Variants in LINC00237 observed in about 807,000 individuals in gnomAD.
The protein encoded by LINC00237 is long independently transcribed non-coding RNA 237, also known as long intergenic non-protein coding RNA 237.
chr20:21,094,547 GTC>G (rs2030831459), intron 1 of LINC00237, among the ~76,000 whole-genome samples: 1 of 152,188 alleles, frequency 6.6e-6, no homozygotes, highest in African/African-American at 2.4e-5. Context: ...ATAAGAGTGT[GTC>G]TTGGAGATTT....
Position 21,093,889 on chromosome 20 carries a change from C to T in LINC00237, n.89-37G>A, listed in dbSNP as rs571219294. On this transcript the variant is annotated intron_variant and non_coding_transcript_variant, in intron 1 of 3. Coordinates refer to ENST00000691244, the Ensembl canonical transcript of LINC00237. ...AGAGAAACACTTGCTCTTATCAGTT[C>T]ATTTGCACTAAGACACCAGAGATTC... 6 of 152,358 alleles carry T rather than the reference C, an allele frequency of 3.9e-5. No homozygotes were observed. The South Asian group carries it at 1.2e-3, about 32-fold the overall frequency. 9.4% of individuals were successfully genotyped at this position (152,358 alleles called of 1,614,324 possible).
At chr20:21,102,846 G>A (rs933925837) in intron 1 of LINC00237, among the ~76,000 whole-genome samples, 10 of 152,230 alleles carry the variant, frequency 6.6e-5, no homozygotes, top group Admixed American at 2.0e-4. Flanking sequence ...AATGTCTGTG[G>A]TGATGGGTGT....
At chr20:21,092,185 T>C (rs1185156844) in intron 2 of LINC00237, among the ~76,000 whole-genome samples, 4 of 152,186 alleles carry the variant, frequency 2.6e-5, no homozygotes, top group Non-Finnish European at 4.4e-5. Flanking sequence ...AACCAATAAA[T>C]ACCCTTTGGA....
chr20:21,096,586 A>C (rs982293262), intron 1 of LINC00237, among the ~76,000 whole-genome samples: 1 of 152,170 alleles, frequency 6.6e-6, no homozygotes, highest in Non-Finnish European at 1.5e-5. Context: ...TTTGTTGCCA[A>C]AGTGCCTATA....
chr20:21,101,029 A>T lies in LINC00237; in HGVS notation n.88+5242T>A, dbSNP rs1268375077. On this transcript the variant is annotated intron_variant and non_coding_transcript_variant, in intron 1 of 3. Transcript: ENST00000691244. The surrounding 1 kb of genome is among the most constrained non-coding windows in gnomAD (Gnocchi z 4.3). ...TTAATCATGCAGCGGGCAAACAAGG[A>T]GATTTATCCCGCGACAAACAGCCCC... Among the ~76,000 whole-genome samples, 1 of 152,076 alleles carries T rather than the reference A, an allele frequency of 6.6e-6. No homozygotes were observed. Among genetic ancestry groups the T allele is most frequent in the Non-Finnish European group, 1.5e-5 (1 of 68,030 alleles).
At chr20:21,086,595 T>C (rs1008639705) in intron 3 of LINC00237, among the ~76,000 whole-genome samples, 6 of 84,046 alleles carry the variant, frequency 7.1e-5, no homozygotes, top group Admixed American at 5.0e-4. Flanking sequence ...TAGTATACAC[T>C]AGTATATATA....
At chr20:21,091,061 G>A (rs1175504264) in intron 2 of LINC00237, among the ~76,000 whole-genome samples, 2 of 126,062 alleles carry the variant, frequency 1.6e-5, no homozygotes, top group South Asian at 4.6e-4. Flanking sequence ...GTGTGTGTGC[G>A]TGTGTGTGTG....
Position 21,090,729 on chromosome 20 carries a change from C to A in LINC00237, n.473-2699G>T, listed in dbSNP as rs79190533. Among the ~76,000 whole-genome samples the A allele has an allele frequency of 4.0e-3, 609 of 152,240 alleles. 2 individuals carry two copies. The highest frequency in any genetic ancestry group is 0.014 in the African/African-American group (566 of 41,544). ...TGAGGAAAGGTCATCAAAAAGACAGCCGCTGCCCTTGCTCCCTGCTCTCCA... is the reference window on the plus strand; with the variant it reads ...TGAGGAAAGGTCATCAAAAAGACAGACGCTGCCCTTGCTCCCTGCTCTCCA... On this transcript the variant is annotated intron_variant and non_coding_transcript_variant, in intron 2 of 3. Transcript: ENST00000691244.
chr20:21,095,304 G>A (rs1476596341), intron 1 of LINC00237, among the ~76,000 whole-genome samples: 1 of 152,182 alleles, frequency 6.6e-6, no homozygotes, highest in Non-Finnish European at 1.5e-5. Context: ...CCTGGGAGGT[G>A]AGAGAGTGTC....
intron 1 of LINC00237, among the ~76,000 whole-genome samples, chr20:21,098,479 A>T (rs913367452): frequency 6.6e-6 from 1 of 152,240 alleles, no homozygotes; most frequent in African/African-American, 2.4e-5. Flanking sequence ...TGGAAAAGTA[A>T]TTCTTCAATT....
intron 3 of LINC00237, among the ~76,000 whole-genome samples, chr20:21,086,634 ACTATATATAGTAT>A (rs1455312943): frequency 2.3e-5 from 3 of 130,670 alleles, no homozygotes; most frequent in South Asian, 2.2e-4. Flanking sequence ...TATATAGTAT[ACTATATATAGTAT>A]ACTATATATG....
chr20:21,101,755 G>C lies in LINC00237; in HGVS notation n.88+4516C>G, dbSNP rs1446563673. On this transcript the variant is annotated intron_variant and non_coding_transcript_variant, in intron 1 of 3. Transcript: ENST00000691244. This position sits in a 1 kb window ranked among gnomAD's most constrained non-coding sequence, Gnocchi z 4.3. ...CTGTCACGATTGGGCTTGGGCTTGG[G>C]CTTGGCCTTGGTCAAGAAAGGTTTC... is the stretch of plus-strand genomic sequence containing the variant. Among the ~76,000 whole-genome samples the C allele has an allele frequency of 6.6e-6, 1 of 152,272 alleles. No homozygotes were observed. The highest frequency in any genetic ancestry group is 2.4e-5 in the African/African-American group (1 of 41,484).
intron 1 of LINC00237, among the ~76,000 whole-genome samples, chr20:21,100,775 G>A (rs990324825): frequency 6.6e-6 from 1 of 152,122 alleles, no homozygotes; most frequent in Non-Finnish European, 1.5e-5. Flanking sequence ...TGGCTTAAAC[G>A]CCGGGCGGTT....
intron 2 of LINC00237, among the ~76,000 whole-genome samples, chr20:21,092,178 CAATA>C (rs2030802154): frequency 6.6e-6 from 1 of 152,146 alleles, no homozygotes; most frequent in Admixed American, 6.5e-5. Flanking sequence ...TATTATCAAC[CAATA>C]AATACCCTTT....
intron 1 of LINC00237, among the ~76,000 whole-genome samples, chr20:21,100,306 C>T (rs1195325663): frequency 6.6e-6 from 1 of 152,206 alleles, no homozygotes; most frequent in East Asian, 1.9e-4. Flanking sequence ...CGGCAAAATA[C>T]AGCCACGAGC....
chr20:21,095,114 G>A (rs2030840058), intron 1 of LINC00237, among the ~76,000 whole-genome samples: 1 of 152,160 alleles, frequency 6.6e-6, no homozygotes. Context: ...GAATCTGGCT[G>A]CACATTGTGG....
chr20:21,086,237 G>T (rs1035911359), intron 3 of LINC00237, among the ~76,000 whole-genome samples: 1 of 152,078 alleles, frequency 6.6e-6, no homozygotes, highest in African/African-American at 2.4e-5. Context: ...ACCTGTTAGT[G>T]CCTTTGTTCA....
At chr20:21,095,208 CT>C (rs2030841884) in intron 1 of LINC00237, among the ~76,000 whole-genome samples, 2 of 152,192 alleles carry the variant, frequency 1.3e-5, no homozygotes, top group African/African-American at 4.8e-5. Context: ...GCAGCTTCCA[CT>C]GCCTCCCGCT....
intron 1 of LINC00237, among the ~76,000 whole-genome samples, chr20:21,105,761 G>C (rs893914475): frequency 1.3e-5 from 2 of 152,188 alleles, no homozygotes; most frequent in African/African-American, 2.4e-5. Flanking sequence ...AGAGTTTTGC[G>C]GGCGTCTCTC....
Sources: allele counts gnomAD v4.1 joint callset (sites outside exome capture counted in the v4.1 genomes callset), GRCh38; gene constraint gnomAD v4.1.1; non-coding constraint Gnocchi (gnomAD v3.1); transcripts MANE v1.5; gene names NCBI Gene and HGNC (gene_info 2026-07-23, HGNC 2026-07-21).